USP8: variants seen among roughly 807,000 people sequenced by gnomAD.
The protein encoded by USP8 is ubiquitin carboxyl-terminal hydrolase 8.
A neutral mutation model predicts 130.0 loss-of-function variants in USP8; 27 were observed. The observed-to-expected ratio is 0.21, with a 90% CI of 0.15 to 0.29. The LOEUF (loss-of-function observed/expected upper bound fraction) is 0.29, where lower values mean the gene tolerates loss of function less well. Ranked by LOEUF, USP8 falls within the 10% of genes least tolerant of loss-of-function variation. The pLI is 1.00. For synonymous variants in USP8, 392 were observed against 444.1 expected (o/e 0.88, Z 1.48); for missense variants, 1,029 against 1,312.2 (o/e 0.78, Z 3.33).
intron 10 of USP8, among the ~76,000 whole-genome samples, chr15:50,479,933 A>G (rs992255137): frequency 6.6e-6 from 1 of 151,236 alleles, no homozygotes; most frequent in African/African-American, 2.4e-5. Flanking sequence ...TAATTTTTGT[A>G]TTTTTTTTGT....
rs1363524436 is a variant in USP8, at chr15:50,507,083, G to C, written c.*7995G>C. 1.3e-5 allele frequency: 2 copies of C among 150,846 alleles called. No individual in the cohort carries two copies. The highest frequency in any genetic ancestry group is 2.9e-5 in the Non-Finnish European group (2 of 68,120). The allele number at this position is 150,846 out of a possible 1,614,324, so 9.3% of individuals were successfully genotyped here. On this transcript the variant is annotated 3_prime_UTR_variant, in exon 20 of 20. Transcript: ENST00000307179. ...GGATCACCTGAGATCAGGAGTTCCA[G>C]ACCACCCTGGCCAACATGGCAAAAC...
At position 50,507,325 on chromosome 15, in the gene USP8, A is replaced by G. The variant is rs2052676679; in HGVS notation, c.*8237A>G. 1 of 152,250 alleles carries G rather than the reference A, an allele frequency of 6.6e-6. No homozygotes were observed. Among genetic ancestry groups the G allele is most frequent in the African/African-American group, 2.4e-5 (1 of 41,452 alleles). 9.4% of individuals were successfully genotyped at this position (152,250 alleles called of 1,614,324 possible). ...AACAACAAATCCAGTTCTATGCACT[A>G]TATAACATTTAGAACTCAGAAAAGG... is the stretch of plus-strand genomic sequence containing the variant. On this transcript the variant is annotated 3_prime_UTR_variant, in exon 20 of 20. Transcript: ENST00000307179.
chr15:50,424,477 G>A lies in USP8; in HGVS notation c.-103G>A. ...AGTTCTTGGGAGATGGGCATTTGGC[G>A]AGAAGGCTGGCGTTAGTGAAGCGCG... On this transcript the variant is annotated 5_prime_UTR_variant, in exon 1 of 20. Transcript: ENST00000307179. The A allele has an allele frequency of 2.5e-6, 1 of 398,710 alleles. No individual in the cohort carries two copies. Among genetic ancestry groups the A allele is most frequent in the Non-Finnish European group, 4.4e-6 (1 of 226,126 alleles). 24.7% of individuals were successfully genotyped at this position (398,710 alleles called of 1,614,324 possible).
chr15:50,489,863 G>T lies in USP8; in HGVS notation c.1953G>T (p.Leu651=), dbSNP rs2052096046. The change falls in exon 13 of 20, where the codon CTG becomes CTT. Residue 651 remains leucine, a synonymous_variant. Transcript: ENST00000307179. ...SEEMGRIVPG[L]PSGWAKFLDP... is the part of the protein sequence containing the mutation. ...AAATGGGGAGGATCGTACCAGGACT[G>T]CCTTCAGGCTGGGCCAAGGTAAAAG... 1 of 1,583,490 alleles carries T rather than the reference G, an allele frequency of 6.3e-7. No homozygotes were observed. The highest frequency in any genetic ancestry group is 1.2e-5 in the South Asian group (1 of 85,010).
At chr15:50,485,456 A>G (rs186520657) in intron 12 of USP8, among the ~76,000 whole-genome samples, 1,743 of 151,536 alleles carry the variant, frequency 0.012, 136 homozygotes, top group Admixed American at 0.11. Context: ...TTTCAAAAAA[A>G]AAAAAAGGCT....
At chr15:50,430,230 T>G (rs1262445454) in intron 1 of USP8, among the ~76,000 whole-genome samples, 1 of 152,126 alleles carries the variant, frequency 6.6e-6, no homozygotes, top group Non-Finnish European at 1.5e-5. Context: ...TAGGGCTAGT[T>G]CAGCTCCTTG....
At position 50,500,346 on chromosome 15, in the gene USP8, ATATGAT is replaced by A. The variant is rs148309488; in HGVS notation, c.*1264_*1269del. 1,630 of 157,698 alleles carry A rather than the reference ATATGAT, an allele frequency of 0.01. 28 individuals carry two copies. The highest frequency in any genetic ancestry group is 0.036 in the African/African-American group (1,498 of 41,686). 9.8% of individuals were successfully genotyped at this position (157,698 alleles called of 1,614,324 possible). On this transcript the variant is annotated 3_prime_UTR_variant, in exon 20 of 20. Coordinates refer to ENST00000307179, the MANE Select transcript of USP8 (RefSeq NM_005154.5). ...CTTTGGAAAATAATTTGTTGAATAT[ATATGAT>A]TATGAGATATTTTCTGATAAACACT...
chr15:50,487,382 G>C (rs28449835), intron 12 of USP8, among the ~76,000 whole-genome samples: 1,952 of 137,268 alleles, frequency 0.014, 39 homozygotes, highest in African/African-American at 0.047. Flanking sequence ...GAGAGAGAGA[G>C]ACACACACAC....
chr15:50,437,187 T>C (rs993357161), intron 1 of USP8, among the ~76,000 whole-genome samples: 9 of 152,152 alleles, frequency 5.9e-5, no homozygotes, highest in African/African-American at 1.9e-4. Context: ...ATATATTCTT[T>C]TATATGTTAT....
At chr15:50,430,667 T>C (rs2049901398) in intron 1 of USP8, among the ~76,000 whole-genome samples, 1 of 152,172 alleles carries the variant, frequency 6.6e-6, no homozygotes. Context: ...AATACTTAAT[T>C]ATCTTCCAAA....
intron 18 of USP8, chr15:50,498,326 G>C: frequency 3.4e-6 from 1 of 298,290 alleles, no homozygotes. Context: ...TCATGTAGCA[G>C]TTGTAGCTGG....
chr15:50,437,080 C>A (rs1490273308), intron 1 of USP8, among the ~76,000 whole-genome samples: 1 of 152,206 alleles, frequency 6.6e-6, no homozygotes, highest in African/African-American at 2.4e-5. Flanking sequence ...TCTCTGGATA[C>A]TCTCTTCATA....
At position 50,505,991 on chromosome 15, in the gene USP8, G is replaced by A. The variant is rs1259364395; in HGVS notation, c.*6903G>A. ...AAAAGATGCTGAAAACAGTAGTTCA[G>A]TGATCAGAATTACAGTGTTCTAAGA... On this transcript the variant is annotated 3_prime_UTR_variant, in exon 20 of 20. Coordinates refer to ENST00000307179, the MANE Select transcript of USP8 (RefSeq NM_005154.5). 1 of 152,276 alleles carries A rather than the reference G, an allele frequency of 6.6e-6. No individual in the cohort carries two copies. Among genetic ancestry groups the A allele is most frequent in the Non-Finnish European group, 1.5e-5 (1 of 68,086 alleles). 9.4% of individuals were successfully genotyped at this position (152,276 alleles called of 1,614,324 possible). A position where few individuals can be genotyped will look rare whatever the true frequency, so the allele number is the denominator to read the frequency against.
rs1417666208 is a variant in USP8, at chr15:50,501,877, A to G, written c.*2789A>G. 6.6e-6 allele frequency: 1 copy of G among 152,214 alleles called. No individual in the cohort carries two copies. The highest frequency in any genetic ancestry group is 6.5e-5 in the Admixed American group (1 of 15,284). 9.4% of individuals were successfully genotyped at this position (152,214 alleles called of 1,614,324 possible). On this transcript the variant is annotated 3_prime_UTR_variant, in exon 20 of 20. Coordinates refer to ENST00000307179, the MANE Select transcript of USP8 (RefSeq NM_005154.5). Reference sequence around the variant, plus strand: ...ATCCAAGTAATAATAGTATTGTTATATGTGAAAATTTTATGAAATTCAAAT... The same window carrying G: ...ATCCAAGTAATAATAGTATTGTTATGTGTGAAAATTTTATGAAATTCAAAT...
rs1338238268 is a variant in USP8 at position 50,508,568 on chromosome 15, A to C, written c.*9480A>C. On this transcript the variant is annotated 3_prime_UTR_variant, in exon 20 of 20. Coordinates refer to ENST00000307179, the MANE Select transcript of USP8 (RefSeq NM_005154.5). ...CACTGGACACTCAGTTTAAAACATTAAAACATAACAGAATAAACCCTAAAA... is the reference window on the plus strand; with the variant it reads ...CACTGGACACTCAGTTTAAAACATTCAAACATAACAGAATAAACCCTAAAA... 1.3e-5 allele frequency: 2 copies of C among 152,236 alleles called. No homozygotes were observed. Among genetic ancestry groups the C allele is most frequent in the Admixed American group, 1.3e-4 (2 of 15,280 alleles). The allele number at this position is 152,236 out of a possible 1,614,324, so 9.4% of individuals were successfully genotyped here. A position where few individuals can be genotyped will look rare whatever the true frequency, so the allele number is the denominator to read the frequency against.
At chr15:50,497,514 T>C (rs1203304655) in intron 18 of USP8, 3 of 238,766 alleles carry the variant, frequency 1.3e-5, no homozygotes, top group Non-Finnish European at 1.6e-5. Flanking sequence ...TACAGTATAA[T>C]TCAAACAAAT....
intron 13 of USP8, 86 bp downstream of exon 13, chr15:50,489,967 G>T: frequency 8.8e-7 from 1 of 1,139,580 alleles, no homozygotes; most frequent in Non-Finnish European, 1.2e-6. Context: ...GTAATGCAGA[G>T]TCAATTCCAT....
At position 50,497,093 on chromosome 15, in the gene USP8, G is replaced by T; in HGVS notation, c.2900G>T (p.Cys967Phe). The change falls in exon 18 of 20, where the codon TGC becomes TTC. Residue 967 changes from cysteine (C) to phenylalanine (F), a missense_variant. By Grantham distance (205) the Cys-to-Phe change is radical (BLOSUM62 -2). This residue lies in a region of USP8 where 257 missense variants were observed against 429.8 expected (regional missense o/e 0.60). Transcript: ENST00000307179. ...ASTSKCTLQD[C>F]LRLFSKEEKL... ...CTACTTGTTTTTTTCTGCCAGGATT[G>T]CCTTAGATTATTTTCCAAAGAAGAA... 1 of 1,596,812 alleles carries T rather than the reference G, an allele frequency of 6.3e-7. No homozygotes were observed. Among genetic ancestry groups the T allele is most frequent in the Non-Finnish European group, 8.5e-7 (1 of 1,174,034 alleles).
intron 1 of USP8, among the ~76,000 whole-genome samples, chr15:50,433,628 G>T (rs907472030): frequency 4.0e-5 from 6 of 150,938 alleles, no homozygotes; most frequent in Non-Finnish European, 4.4e-5. Context: ...ATTTTTTTTT[G>T]AGATGGAGTC....
Sources: gnomAD v4.1 joint callset for allele counts (sites outside exome capture counted in the v4.1 genomes callset) on GRCh38, gnomAD v4.1.1 for gene constraint, gnomAD v4.1.1 regional missense constraint, MANE v1.5 for transcripts, NCBI Gene and HGNC (gene_info 2026-07-23, HGNC 2026-07-21) for gene names.